The following NFILZ variants were observed in gnomAD, a reference collection of about 807,000 sequenced individuals.
The protein encoded by NFILZ is NFIL3 like basic leucine zipper, also known as NFIL3 like protein.
chr19:8,650,130 G>T (rs1330623640), intron 3 of NFILZ, among the ~76,000 whole-genome samples: 4 of 151,206 alleles, frequency 2.6e-5, no homozygotes, highest in African/African-American at 9.7e-5. Context: ...AAAAAAATTG[G>T]TTCCAAAAAA....
intron 3 of NFILZ, among the ~76,000 whole-genome samples, chr19:8,665,856 T>A (rs1390363192): frequency 1.3e-5 from 2 of 152,226 alleles, no homozygotes; most frequent in African/African-American, 4.8e-5. Flanking sequence ...AGACATGCAT[T>A]GGCCTGGCAA....
intron 3 of NFILZ, among the ~76,000 whole-genome samples, chr19:8,647,793 GCGCACACACACACA>G (rs1157088997): frequency 1.9e-4 from 13 of 69,654 alleles, no homozygotes; most frequent in South Asian, 6.1e-4. Flanking sequence ...GCGCGCGCGC[GCGCACACACACACA>G]CACACACACA....
rs1212956882 is a variant in NFILZ, at chr19:8,656,289, C to CCTTCTCTCTGA, written c.-163-18262_-163-18261insCTTCTCTCTGA. On this transcript the variant is annotated intron_variant, in intron 3 of 5. Coordinates refer to ENST00000691075, the MANE Select transcript of NFILZ (RefSeq NM_001378600.1). Reference sequence around the variant, plus strand: ...CTCTCTGAAGCCCACCTTCTCCCCACAGCCCACCTCCTCCCGCAGCGCACC... The same window carrying CCTTCTCTCTGA: ...CTCTCTGAAGCCCACCTTCTCCCCACCTTCTCTCTGAAGCCCACCTCCTCCCGCAGCGCACC... 8.2e-4 allele frequency among the ~76,000 whole-genome samples: 27 copies of CCTTCTCTCTGA among 32,998 alleles called. 1 individual carries two copies. Among genetic ancestry groups the CCTTCTCTCTGA allele is most frequent in the South Asian group, 2.4e-3 (2 of 838 alleles). The allele number at this position is 32,998 out of a possible 152,430, so 21.6% of individuals were successfully genotyped here. A position where few individuals can be genotyped will look rare whatever the true frequency, so the allele number is the denominator to read the frequency against.
chr19:8,656,352 T>TCTCTGAAGCCCACCTTC, intron 3 of NFILZ, among the ~76,000 whole-genome samples: 1 of 28,830 alleles, frequency 3.5e-5, no homozygotes, highest in African/African-American at 1.0e-4. Context: ...AGCCCACCTC[T>TCTCTGAAGCCCACCTTC]TCCCTGAAGC....
rs183153937 is a variant in NFILZ at position 8,651,237 on chromosome 19, C to T, written c.-164+15491C>T. Among the ~76,000 whole-genome samples the T allele has an allele frequency of 4.7e-3, 698 of 149,206 alleles. 1 individual carries two copies. The highest frequency in any genetic ancestry group is 7.3e-3 in the Non-Finnish European group (488 of 67,168). ...AGTGCAGTGGAGTGATCTCAGCTCA[C>T]TGCAACCTCCGCCTCCCAGGTTCAA... On this transcript the variant is annotated intron_variant, in intron 3 of 5. Coordinates refer to ENST00000691075, the MANE Select transcript of NFILZ (RefSeq NM_001378600.1).
At chr19:8,652,215 G>T (rs1374000646) in intron 3 of NFILZ, among the ~76,000 whole-genome samples, 2 of 151,066 alleles carry the variant, frequency 1.3e-5, no homozygotes, top group Non-Finnish European at 2.9e-5. Context: ...CCATTCTCCT[G>T]CCTCAGGCTC....
At position 8,666,336 on chromosome 19, in the gene NFILZ, A is replaced by AT. The variant is rs113483563; in HGVS notation, c.-163-8204dup. Among the ~76,000 whole-genome samples, 168 of 143,400 alleles carry AT rather than the reference A, an allele frequency of 1.2e-3. 1 individual carries two copies. The highest frequency in any genetic ancestry group is 2.4e-3 in the African/African-American group (96 of 39,330). The allele number at this position is 143,400 out of a possible 152,430, so 94.1% of individuals were successfully genotyped here. On this transcript the variant is annotated intron_variant, in intron 3 of 5. Coordinates refer to ENST00000691075, the MANE Select transcript of NFILZ (RefSeq NM_001378600.1). ...CTGGGCTCAAGCAACCTCCTGCTTC[A>AT]TTTTTTTTTTTGATTTTTTTGTAGA...
chr19:8,658,135 G>A (rs2043013431), intron 3 of NFILZ, among the ~76,000 whole-genome samples: 3 of 152,200 alleles, frequency 2.0e-5, no homozygotes, highest in Non-Finnish European at 4.4e-5. Flanking sequence ...CTGGTGTGTT[G>A]AGGGAAGAGC....
At chr19:8,672,112 T>C (rs1237013203) in intron 3 of NFILZ, among the ~76,000 whole-genome samples, 1 of 152,250 alleles carries the variant, frequency 6.6e-6, no homozygotes, top group Non-Finnish European at 1.5e-5. Flanking sequence ...CATTTATTAG[T>C]TCATTCCAAA....
chr19:8,674,381 T>A (rs1383328622), intron 3 of NFILZ, among the ~76,000 whole-genome samples, 170 bp from the exon 4 acceptor site: 2 of 152,200 alleles, frequency 1.3e-5, no homozygotes, highest in African/African-American at 4.8e-5. Context: ...TTGTGAAGGC[T>A]GGGAGGCAGT....
At chr19:8,668,095 C>T (rs147131126) in intron 3 of NFILZ, among the ~76,000 whole-genome samples, 3 of 152,016 alleles carry the variant, frequency 2.0e-5, no homozygotes, top group African/African-American at 7.2e-5. Flanking sequence ...GGATTACAGG[C>T]ATGTGCCACC....
chr19:8,635,102 G>A (rs1461723258), intron 2 of NFILZ, among the ~76,000 whole-genome samples: 4 of 151,870 alleles, frequency 2.6e-5, no homozygotes, highest in Non-Finnish European at 5.9e-5. Flanking sequence ...TTGAGGTCAG[G>A]AGTTCAAGAC....
At chr19:8,672,785 T>A (rs1029687881) in intron 3 of NFILZ, among the ~76,000 whole-genome samples, 7 of 152,228 alleles carry the variant, frequency 4.6e-5, no homozygotes, top group Non-Finnish European at 1.0e-4. Flanking sequence ...ATAAATACTT[T>A]TACAGGGCCT....
At chr19:8,648,171 C>CAAAAA (rs56776806) in intron 3 of NFILZ, among the ~76,000 whole-genome samples, 1 of 68,514 alleles carries the variant, frequency 1.5e-5, no homozygotes, top group African/African-American at 6.0e-5. Context: ...GACTCCGTCT[C>CAAAAA]AAAAAAAAAA....
At chr19:8,639,805 T>TAA (rs2042911145) in intron 3 of NFILZ, among the ~76,000 whole-genome samples, 1 of 152,090 alleles carries the variant, frequency 6.6e-6, no homozygotes, top group Non-Finnish European at 1.5e-5. Flanking sequence ...TATTTTTATA[T>TAA]GCGGTAGGCG....
intron 3 of NFILZ, chr19:8,638,540 C>A (rs1272396091): frequency 6.6e-6 from 1 of 152,194 alleles, no homozygotes; most frequent in South Asian, 2.1e-4. Context: ...ACACCTCCTG[C>A]GTGCCAGGCT....
chr19:8,678,090 A>C lies in NFILZ; in HGVS notation c.*455A>C, dbSNP rs1555750957. Reference sequence around the variant, plus strand: ...CATCCATCCATCAATCCATCCATCCATTCCATCCATCCATCCATCCATCCA... The same window carrying C: ...CATCCATCCATCAATCCATCCATCCCTTCCATCCATCCATCCATCCATCCA... On this transcript the variant is annotated 3_prime_UTR_variant, in exon 6 of 6. Transcript: ENST00000691075. 6.0e-3 allele frequency among the ~76,000 whole-genome samples: 5 copies of C among 834 alleles called. No homozygotes were observed. Among genetic ancestry groups the C allele is most frequent in the East Asian group, 0.024 (1 of 42 alleles). 0.5% of individuals were successfully genotyped at this position (834 alleles called of 152,430 possible).
chr19:8,656,474 TTCTCCCGCAGCCCACCTTCTCCC>T (rs2043002232), intron 3 of NFILZ, among the ~76,000 whole-genome samples: 1 of 71,906 alleles, frequency 1.4e-5, no homozygotes, highest in South Asian at 4.1e-4. Context: ...GAAGCCCACC[TTCTCCCGCAGCCCACCTTCTCCC>T]GCAGCCCACC....
chr19:8,670,823 C>T (rs1217176145), intron 3 of NFILZ, among the ~76,000 whole-genome samples: 1 of 152,018 alleles, frequency 6.6e-6, no homozygotes, highest in Non-Finnish European at 1.5e-5. Context: ...GGCAAAACCC[C>T]GTCTGTACTA....
Sources: allele counts gnomAD v4.1 joint callset (sites outside exome capture counted in the v4.1 genomes callset), GRCh38; gene constraint gnomAD v4.1.1; transcripts MANE v1.5; gene names NCBI Gene and HGNC (gene_info 2026-07-23, HGNC 2026-07-21).